Variants in OSBPL1A observed in about 807,000 individuals in gnomAD.
The protein encoded by OSBPL1A is oxysterol-binding protein-related protein 1.
Under a neutral mutation model 137.1 loss-of-function variants are expected in OSBPL1A, and 80 were observed. That is an observed-to-expected ratio of 0.58 (90% CI 0.49 to 0.70). The LOEUF is 0.70. OSBPL1A is among the 30% of genes least tolerant of loss of function. The probability of loss-of-function intolerance (pLI) is 0.00; values close to 1 mark genes in which losing one functional copy is unlikely to be tolerated. For missense variants in OSBPL1A, 970 were observed against 1,129.4 expected (o/e 0.86, Z 2.02); for synonymous variants, 365 against 389.7 (o/e 0.94, Z 0.75).
Position 24,317,239 on chromosome 18 carries a change from G to A in OSBPL1A, c.807-27C>T, listed in dbSNP as rs568659241. On this transcript the variant is annotated intron_variant, in intron 10 of 27. Transcript: ENST00000319481. ...TTCAAAATAAAAATGAAATTATCAAGACAAAAGGAAAAGAGACAAGTGAAA... is the reference window on the plus strand; with the variant it reads ...TTCAAAATAAAAATGAAATTATCAAAACAAAAGGAAAAGAGACAAGTGAAA... 4 of 1,611,990 alleles carry A rather than the reference G, an allele frequency of 2.5e-6. No homozygotes were observed. The African/African-American group carries it at 5.3e-5, about 22-fold the overall frequency.
intron 15 of OSBPL1A, among the ~76,000 whole-genome samples, chr18:24,280,010 A>G (rs2089925594): frequency 6.6e-6 from 1 of 152,000 alleles, no homozygotes; most frequent in Non-Finnish European, 1.5e-5. Flanking sequence ...GCAGTGGTGC[A>G]ATATCGGCTT....
intron 15 of OSBPL1A, among the ~76,000 whole-genome samples, chr18:24,240,541 A>G (rs2088659758): frequency 6.6e-6 from 1 of 152,100 alleles, no homozygotes; most frequent in Non-Finnish European, 1.5e-5. Flanking sequence ...TTCTGGAGCC[A>G]ATGTGCACTA....
In OSBPL1A at chr18:24,186,474, A is replaced by C. The variant is rs192558490; in HGVS notation, c.1678-5195T>G. 3.3e-5 allele frequency among the ~76,000 whole-genome samples: 5 copies of C among 152,360 alleles called. No homozygotes were observed. In the East Asian group the frequency reaches 9.6e-4, roughly 29 times the overall value. On this transcript the variant is annotated intron_variant, in intron 18 of 27. Transcript: ENST00000319481. ...AACATAGAAACAAATGCTAGAAGATAGTAACATCAAAAAGTTAATAGTGGG... is the reference window on the plus strand; with the variant it reads ...AACATAGAAACAAATGCTAGAAGATCGTAACATCAAAAAGTTAATAGTGGG...
chr18:24,252,659 G>A (rs927364770), intron 15 of OSBPL1A, among the ~76,000 whole-genome samples: 1 of 152,156 alleles, frequency 6.6e-6, no homozygotes, highest in African/African-American at 2.4e-5. Flanking sequence ...GTAATAGTAA[G>A]CACACAGAAA....
chr18:24,191,309 TA>T (rs999300325), intron 18 of OSBPL1A, among the ~76,000 whole-genome samples: 6 of 152,334 alleles, frequency 3.9e-5, no homozygotes, highest in African/African-American at 1.4e-4. Flanking sequence ...TTTTGGCATC[TA>T]GTGGAGAAGG....
At chr18:24,354,466 T>G (rs1164488752) in intron 4 of OSBPL1A, among the ~76,000 whole-genome samples, 1 of 151,842 alleles carries the variant, frequency 6.6e-6, no homozygotes, top group Non-Finnish European at 1.5e-5. Flanking sequence ...TCTGCAGAGG[T>G]AACACCGAAT....
intron 21 of OSBPL1A, among the ~76,000 whole-genome samples, chr18:24,175,616 C>A (rs146555285): frequency 2.0e-5 from 3 of 152,260 alleles, no homozygotes. Context: ...TGAACAGTAT[C>A]TTTCGATATA....
chr18:24,296,096 G>C (rs567931648), intron 14 of OSBPL1A, among the ~76,000 whole-genome samples: 10 of 152,254 alleles, frequency 6.6e-5, no homozygotes, highest in Admixed American at 3.9e-4. Context: ...GCTTTGGGCA[G>C]TATGGTCATT....
intron 4 of OSBPL1A, 93 bp from the exon 5 acceptor site, chr18:24,341,751 C>A: frequency 1.4e-6 from 1 of 735,930 alleles, no homozygotes; most frequent in Non-Finnish European, 2.2e-6. Flanking sequence ...AGAGTCTCCA[C>A]AATAGAAAAA....
At chr18:24,269,312 C>T (rs749505762) in intron 15 of OSBPL1A, among the ~76,000 whole-genome samples, 4 of 152,258 alleles carry the variant, frequency 2.6e-5, no homozygotes, top group Admixed American at 6.5e-5. Context: ...AAAAGGACCC[C>T]GCTTCTATCT....
At chr18:24,344,951 C>G (rs540601392) in intron 4 of OSBPL1A, among the ~76,000 whole-genome samples, 6 of 151,968 alleles carry the variant, frequency 3.9e-5, no homozygotes, top group African/African-American at 1.2e-4. Flanking sequence ...GTAGCTGGGA[C>G]TACAGGCATG....
intron 7 of OSBPL1A, among the ~76,000 whole-genome samples, chr18:24,329,779 T>C (rs1405460049): frequency 6.6e-6 from 1 of 152,146 alleles, no homozygotes. Flanking sequence ...CAAATATCTT[T>C]GTATAAAAAA....
At chr18:24,172,525 T>C in intron 21 of OSBPL1A, 42 bp from the exon 22 acceptor site, 1 of 1,412,440 alleles carries the variant, frequency 7.1e-7, no homozygotes, top group Non-Finnish European at 1.0e-6. Context: ...GTGAGAGGTA[T>C]CACTTTGTTT....
chr18:24,241,590 C>T (rs1350904675), intron 15 of OSBPL1A, among the ~76,000 whole-genome samples: 4 of 152,138 alleles, frequency 2.6e-5, no homozygotes, highest in Non-Finnish European at 5.9e-5. Flanking sequence ...CATCTTACGC[C>T]AGTTAGAATG....
chr18:24,247,328 G>A (rs767043859), intron 15 of OSBPL1A, among the ~76,000 whole-genome samples: 6 of 152,238 alleles, frequency 3.9e-5, no homozygotes, highest in Non-Finnish European at 7.3e-5. Context: ...CTGTACTGGC[G>A]ATGTGAAGGT....
rs143680185 is a variant in OSBPL1A, at chr18:24,173,051, T to C, written c.2094-568A>G. 1.3e-4 allele frequency among the ~76,000 whole-genome samples: 20 copies of C among 152,266 alleles called. No homozygotes were observed. In the East Asian group the frequency reaches 3.5e-3, roughly 26 times the overall value. Reference sequence around the variant, plus strand: ...AAGCAAACGTGGCACACATACACCATGGAATACTATGAAGCCATAAAAAAG... The same window carrying C: ...AAGCAAACGTGGCACACATACACCACGGAATACTATGAAGCCATAAAAAAG... On this transcript the variant is annotated intron_variant, in intron 21 of 27. Coordinates refer to ENST00000319481, the MANE Select transcript of OSBPL1A (RefSeq NM_080597.4).
At position 24,392,467 on chromosome 18, in the gene OSBPL1A, T is replaced by C. The variant is rs576697959; in HGVS notation, c.-3+5188A>G. Among the ~76,000 whole-genome samples the C allele has an allele frequency of 7.9e-5, 12 of 152,200 alleles. No homozygotes were observed. In the South Asian group the frequency reaches 1.9e-3, roughly 24 times the overall value. On this transcript the variant is annotated intron_variant, in intron 1 of 27. Coordinates refer to ENST00000319481, the MANE Select transcript of OSBPL1A (RefSeq NM_080597.4). ...AGCCACCACACCCGGCCCTATACTCTAATAAAGACAAAGGGAGACTATTCA... is the reference window on the plus strand; with the variant it reads ...AGCCACCACACCCGGCCCTATACTCCAATAAAGACAAAGGGAGACTATTCA...
At position 24,346,289 on chromosome 18, in the gene OSBPL1A, TA is replaced by T. The variant is rs1358509096; in HGVS notation, c.283-4632del. Among the ~76,000 whole-genome samples the T allele has an allele frequency of 6.6e-5, 10 of 152,308 alleles. No homozygotes were observed. In the East Asian group the frequency reaches 1.7e-3, roughly 26 times the overall value. On this transcript the variant is annotated intron_variant, in intron 4 of 27. Transcript: ENST00000319481. ...TAGAGAAAAATCCTCATGCCCAGAT[TA>T]TTTTTTTTAAATAACAGCTTTATTG...
intron 4 of OSBPL1A, among the ~76,000 whole-genome samples, chr18:24,354,748 CAAA>C (rs59694707): frequency 0.019 from 1,443 of 77,062 alleles, 15 homozygotes; most frequent in African/African-American, 0.06. Context: ...CTCAATATAG[CAAA>C]AAAAAAAAAA....
Sources: gnomAD v4.1 joint callset for allele counts (sites outside exome capture counted in the v4.1 genomes callset) on GRCh38, gnomAD v4.1.1 for gene constraint, MANE v1.5 for transcripts, NCBI Gene and HGNC (gene_info 2026-07-23, HGNC 2026-07-21) for gene names.